Variants in ANKS1B observed in about 807,000 individuals in gnomAD.
ANKS1B encodes the protein ankyrin repeat and sterile alpha motif domain-containing protein 1B.
In ANKS1B, 36 loss-of-function variants were observed where a neutral mutation model predicts 148.3. The observed-to-expected ratio is 0.24, with a 90% CI of 0.19 to 0.32. The LOEUF is 0.32. Ranked by LOEUF, ANKS1B falls within the 10% of genes least tolerant of loss-of-function variation. The pLI is 1.00. For missense variants in ANKS1B, 1,157 were observed against 1,542.6 expected, an observed-to-expected ratio of 0.75 and a Z score of 4.19; for synonymous variants, 542 against 560.8, an observed-to-expected ratio of 0.97 and a Z score of 0.47.
chr12:99,614,574 T>C (rs2097934214), intron 9 of ANKS1B, among the ~76,000 whole-genome samples: 1 of 151,886 alleles, frequency 6.6e-6, no homozygotes, highest in Non-Finnish European at 1.5e-5. Flanking sequence ...AAAAAAAGAA[T>C]TCTCAGTAGA....
chr12:99,335,529 C>G (rs1232501636), intron 12 of ANKS1B, among the ~76,000 whole-genome samples: 2 of 151,882 alleles, frequency 1.3e-5, no homozygotes, highest in African/African-American at 4.8e-5. Flanking sequence ...CTAGTAACCA[C>G]CATTTTATTA....
At chr12:99,881,235 A>C (rs932554464) in intron 1 of ANKS1B, among the ~76,000 whole-genome samples, 1 of 152,152 alleles carries the variant, frequency 6.6e-6, no homozygotes, top group African/African-American at 2.4e-5. Flanking sequence ...ACTCAGAGAG[A>C]GTGGGGGAAA....
At chr12:99,245,574 C>T (rs576233587) in intron 13 of ANKS1B, among the ~76,000 whole-genome samples, 1 of 152,304 alleles carries the variant, frequency 6.6e-6, no homozygotes, top group South Asian at 2.1e-4. Flanking sequence ...CAGACCATAT[C>T]CATTTCTAGT....
downstream of ANKS1B, among the ~76,000 whole-genome samples, chr12:98,742,836 G>C (rs1212596929): frequency 6.6e-6 from 1 of 152,204 alleles, no homozygotes; most frequent in Non-Finnish European, 1.5e-5. Flanking sequence ...TGGCTGGCTG[G>C]CTGTTGGGGA....
At chr12:99,720,538 T>C (rs2057969400) in intron 8 of ANKS1B, among the ~76,000 whole-genome samples, 1 of 152,190 alleles carries the variant, frequency 6.6e-6, no homozygotes, top group African/African-American at 2.4e-5. Context: ...TCAGGAAAGG[T>C]AGAACGGACT....
chr12:99,372,711 C>A (rs975803566), intron 12 of ANKS1B, among the ~76,000 whole-genome samples: 7 of 152,096 alleles, frequency 4.6e-5, no homozygotes, highest in Non-Finnish European at 1.0e-4. Flanking sequence ...TTATATGCGA[C>A]AATTTCTGGC....
chr12:99,280,811 T>C (rs1046199708), intron 12 of ANKS1B, among the ~76,000 whole-genome samples: 2 of 152,024 alleles, frequency 1.3e-5, no homozygotes, highest in Non-Finnish European at 2.9e-5. Flanking sequence ...TCAGCCTCCG[T>C]AATAGCATGA....
intron 1 of ANKS1B, among the ~76,000 whole-genome samples, chr12:99,857,285 A>T (rs2089296073): frequency 6.6e-6 from 1 of 151,782 alleles, no homozygotes; most frequent in Non-Finnish European, 1.5e-5. Flanking sequence ...CTTTTACAAT[A>T]GCTGCAAAAA....
chr12:99,828,119 A>C (rs963179142), intron 1 of ANKS1B, among the ~76,000 whole-genome samples: 3 of 152,198 alleles, frequency 2.0e-5, no homozygotes, highest in Non-Finnish European at 4.4e-5. Flanking sequence ...ACTCAGAAAC[A>C]AAAGGAATTA....
At chr12:99,546,626 G>C (rs1466844090) in intron 9 of ANKS1B, among the ~76,000 whole-genome samples, 1 of 152,144 alleles carries the variant, frequency 6.6e-6, no homozygotes, top group Non-Finnish European at 1.5e-5. Flanking sequence ...CAGAATTTAG[G>C]AACTCCATGA....
chr12:99,088,521 T>C (rs931617818), intron 15 of ANKS1B, among the ~76,000 whole-genome samples: 9 of 152,326 alleles, frequency 5.9e-5, no homozygotes, highest in African/African-American at 2.2e-4. Context: ...AAATTAGCTT[T>C]AAGAAGTGAT....
At chr12:99,065,706 C>T (rs3924645) in intron 16 of ANKS1B, among the ~76,000 whole-genome samples, 2,411 of 151,760 alleles carry the variant, frequency 0.016, 77 homozygotes, top group African/African-American at 0.055. Flanking sequence ...CGTCCACCCA[C>T]TTATTTACTC....
intron 15 of ANKS1B, among the ~76,000 whole-genome samples, chr12:99,146,725 GCTTT>G (rs1354614077): frequency 2.0e-5 from 3 of 152,014 alleles, no homozygotes; most frequent in Admixed American, 6.6e-5. Flanking sequence ...CCTTTCTCCT[GCTTT>G]CTTTCTTTTC....
chr12:98,820,779 T>C (rs779946427), intron 19 of ANKS1B, among the ~76,000 whole-genome samples: 2 of 152,048 alleles, frequency 1.3e-5, no homozygotes, highest in East Asian at 1.9e-4. Flanking sequence ...GAATAGGAGC[T>C]TCTTGGACAG....
At chr12:99,442,241 A>T (rs2095561031) in intron 11 of ANKS1B, among the ~76,000 whole-genome samples, 1 of 151,806 alleles carries the variant, frequency 6.6e-6, no homozygotes, top group Non-Finnish European at 1.5e-5. Flanking sequence ...TGTTACCCAG[A>T]CTGGTCTAGA....
At chr12:99,168,966 G>T (rs1023482353) in intron 14 of ANKS1B, among the ~76,000 whole-genome samples, 1 of 152,146 alleles carries the variant, frequency 6.6e-6, no homozygotes, top group African/African-American at 2.4e-5. Flanking sequence ...TCTTTTAAAA[G>T]TAAAAGGCAG....
At chr12:99,398,538 T>C (rs918397404) in intron 12 of ANKS1B, among the ~76,000 whole-genome samples, 1 of 152,164 alleles carries the variant, frequency 6.6e-6, no homozygotes, top group Non-Finnish European at 1.5e-5. Flanking sequence ...AAGTTGACCA[T>C]ATGAATTAGG....
intron 15 of ANKS1B, among the ~76,000 whole-genome samples, chr12:99,144,261 T>A (rs759378576): frequency 6.6e-6 from 1 of 152,054 alleles, no homozygotes; most frequent in Non-Finnish European, 1.5e-5. Flanking sequence ...TTTATTTAGG[T>A]ACTGGAAGAG....
chr12:99,896,300 T>G (rs757103409), intron 1 of ANKS1B, among the ~76,000 whole-genome samples: 2 of 151,176 alleles, frequency 1.3e-5, no homozygotes, highest in African/African-American at 2.4e-5. Flanking sequence ...GTACTTGAAG[T>G]TTCATTTCGT....
Sources: allele counts gnomAD v4.1 joint callset (sites outside exome capture counted in the v4.1 genomes callset), GRCh38; gene constraint gnomAD v4.1.1; transcripts MANE v1.5; gene names NCBI Gene and HGNC (gene_info 2026-07-23, HGNC 2026-07-21).